The following GRIN3A variants were observed in gnomAD, a reference collection of about 807,000 sequenced individuals.
GRIN3A encodes the protein glutamate ionotropic receptor NMDA type subunit 3A.
In GRIN3A, 47 loss-of-function variants were observed where a neutral mutation model predicts 92.4. The observed-to-expected ratio is 0.51, with a 90% CI of 0.40 to 0.65. The LOEUF is 0.65. Among genes scored for constraint, GRIN3A ranks in the 30% least tolerant of loss-of-function variants. GRIN3A has a pLI of 0.00. For missense variants in GRIN3A, 1,324 were observed against 1,393.1 expected (o/e 0.95, Z 0.79); for synonymous variants, 527 against 540.6 (o/e 0.97, Z 0.35).
intron 1 of GRIN3A, among the ~76,000 whole-genome samples, chr9:101,727,996 T>C (rs956096854): frequency 6.6e-6 from 1 of 151,806 alleles, no homozygotes; most frequent in Admixed American, 6.6e-5. Flanking sequence ...CACAATAACA[T>C]CTCTCTGTGT....
At chr9:101,624,126 A>G (rs1389921042) in intron 4 of GRIN3A, among the ~76,000 whole-genome samples, 1 of 152,152 alleles carries the variant, frequency 6.6e-6, no homozygotes, top group African/African-American at 2.4e-5. Context: ...CTCTTAGTCT[A>G]ATTTGCTTTT....
chr9:101,573,551 T>A lies in GRIN3A; in HGVS notation c.3009-38A>T, dbSNP rs747674118. 23 of 1,508,692 alleles carry A rather than the reference T, an allele frequency of 1.5e-5. No individual in the cohort carries two copies. In the Middle Eastern group the frequency reaches 5.1e-4, roughly 34 times the overall value. The allele number at this position is 1,508,692 out of a possible 1,614,324, so 93.5% of individuals were successfully genotyped here. A position where few individuals can be genotyped will look rare whatever the true frequency, so the allele number is the denominator to read the frequency against. ...GAAATTTTAGATTTACTTTCCATTCTGCAGCTCTCAAGGTGCTGTCTTCAT... is the reference window on the plus strand; with the variant it reads ...GAAATTTTAGATTTACTTTCCATTCAGCAGCTCTCAAGGTGCTGTCTTCAT... On this transcript the variant is annotated intron_variant, in intron 8 of 8. Transcript: ENST00000361820.
intron 3 of GRIN3A, among the ~76,000 whole-genome samples, chr9:101,651,495 AG>A (rs1829014421): frequency 6.6e-6 from 1 of 152,000 alleles, no homozygotes; most frequent in African/African-American, 2.4e-5. Flanking sequence ...ATTTTATTGC[AG>A]CATTTTAATG....
At chr9:101,605,674 A>G (rs1828271623) in intron 6 of GRIN3A, among the ~76,000 whole-genome samples, 2 of 152,184 alleles carry the variant, frequency 1.3e-5, no homozygotes, top group Non-Finnish European at 2.9e-5. Flanking sequence ...AAAGATGGGG[A>G]AAGTTCAGAT....
chr9:101,608,683 A>G (rs1054606223), intron 6 of GRIN3A, among the ~76,000 whole-genome samples: 1 of 152,198 alleles, frequency 6.6e-6, no homozygotes, highest in Non-Finnish European at 1.5e-5. Context: ...CCTATAAAGT[A>G]TATATGACTA....
At chr9:101,640,782 CCTT>C (rs976512218) in intron 3 of GRIN3A, among the ~76,000 whole-genome samples, 3 of 152,154 alleles carry the variant, frequency 2.0e-5, no homozygotes, top group Non-Finnish European at 2.9e-5. Context: ...CACAGGCTCT[CCTT>C]CTCTGCCTGC....
At chr9:101,594,914 T>A (rs1229246164) in intron 6 of GRIN3A, 1 of 1,598,908 alleles carries the variant, frequency 6.3e-7, no homozygotes, top group Non-Finnish European at 8.5e-7. Context: ...ACTGGCCTCG[T>A]TTCCCATTGT....
At chr9:101,707,966 G>C (rs1313233509) in intron 1 of GRIN3A, among the ~76,000 whole-genome samples, 1 of 152,092 alleles carries the variant, frequency 6.6e-6, no homozygotes, top group Non-Finnish European at 1.5e-5. Flanking sequence ...TTGACTCATT[G>C]CACCCTGCTG....
chr9:101,637,793 G>T (rs1332051489), intron 3 of GRIN3A, among the ~76,000 whole-genome samples: 1 of 152,146 alleles, frequency 6.6e-6, no homozygotes, highest in Non-Finnish European at 1.5e-5. Flanking sequence ...CAGAGCCTTT[G>T]TATCCAAACA....
intron 8 of GRIN3A, among the ~76,000 whole-genome samples, chr9:101,575,976 T>C (rs1357841731): frequency 6.6e-6 from 1 of 152,220 alleles, no homozygotes; most frequent in Non-Finnish European, 1.5e-5. Context: ...TGCTGGACTT[T>C]GTGCCAAATT....
At chr9:101,693,244 A>AATATATAT (rs3082770) in intron 1 of GRIN3A, among the ~76,000 whole-genome samples, 188 of 128,426 alleles carry the variant, frequency 1.5e-3, no homozygotes, top group African/African-American at 6.3e-3. Flanking sequence ...TCTCAGCTAA[A>AATATATAT]ATATATATAT....
At chr9:101,620,663 T>A (rs1158670969) in intron 5 of GRIN3A, among the ~76,000 whole-genome samples, 1 of 152,150 alleles carries the variant, frequency 6.6e-6, no homozygotes, top group Non-Finnish European at 1.5e-5. Context: ...ACATCACTTA[T>A]TACATTAATG....
At chr9:101,578,305 A>T (rs1199456992) in intron 7 of GRIN3A, among the ~76,000 whole-genome samples, 1 of 152,200 alleles carries the variant, frequency 6.6e-6, no homozygotes, top group Non-Finnish European at 1.5e-5. Flanking sequence ...CCAGGATAAA[A>T]GTAGGAAGAA....
chr9:101,698,634 T>A (rs886064029), intron 1 of GRIN3A, among the ~76,000 whole-genome samples: 1 of 152,154 alleles, frequency 6.6e-6, no homozygotes, highest in Non-Finnish European at 1.5e-5. Context: ...TCTAAACATA[T>A]CTGAACACTG....
In GRIN3A at chr9:101,573,152, G is replaced by C; in HGVS notation, c.*22C>G. The stretch of plus-strand genomic sequence containing the variant: ...GGCTCAGAGGAAGGTCAGGAACTGA[G>C]AAAGGGAAGCAGTGTGGTCACCTAG... On this transcript the variant is annotated 3_prime_UTR_variant, in exon 9 of 9. Coordinates refer to ENST00000361820, the MANE Select transcript of GRIN3A (RefSeq NM_133445.3). 6.3e-7 allele frequency: 1 copy of C among 1,596,110 alleles called. No homozygotes were observed. Among genetic ancestry groups the C allele is most frequent in the Non-Finnish European group, 8.6e-7 (1 of 1,163,694 alleles).
At chr9:101,666,424 C>T (rs1040085399) in intron 3 of GRIN3A, among the ~76,000 whole-genome samples, 21 of 151,916 alleles carry the variant, frequency 1.4e-4, no homozygotes, top group African/African-American at 4.6e-4. Flanking sequence ...TTCTTTCTTA[C>T]AAGTTGGAGC....
rs7039116 is a variant in GRIN3A, at chr9:101,661,741, C to T, written c.2352+8319G>A. Among the ~76,000 whole-genome samples the T allele has an allele frequency of 9.7e-3, 1,472 of 151,774 alleles. 35 individuals are homozygous for T. Among genetic ancestry groups the T allele is most frequent in the African/African-American group, 0.033 (1,388 of 41,452 alleles). On this transcript the variant is annotated intron_variant, in intron 3 of 8. Transcript: ENST00000361820. ...GATTCCTAGAAGTGAAAGTCAAGGG[C>T]GAAAGGGCATAAACTCTGTTAAGGC...
intron 2 of GRIN3A, among the ~76,000 whole-genome samples, chr9:101,675,925 A>C (rs960651215): frequency 2.0e-5 from 3 of 151,942 alleles, no homozygotes; most frequent in African/African-American, 7.2e-5. Flanking sequence ...AAATTTGCTA[A>C]AGTTAAATAA....
At chr9:101,574,288 C>A (rs1466481545) in intron 8 of GRIN3A, among the ~76,000 whole-genome samples, 2 of 152,178 alleles carry the variant, frequency 1.3e-5, no homozygotes, top group Non-Finnish European at 2.9e-5. Context: ...AAGGCTGATC[C>A]TGTTTCTGAA....
Sources: gnomAD v4.1 joint callset for allele counts (sites outside exome capture counted in the v4.1 genomes callset) on GRCh38, gnomAD v4.1.1 for gene constraint, MANE v1.5 for transcripts, NCBI Gene and HGNC (gene_info 2026-07-23, HGNC 2026-07-21) for gene names.